KLF12: variants seen among roughly 807,000 people sequenced by gnomAD.
The protein encoded by KLF12 is Krueppel-like factor 12.
In KLF12, 9 loss-of-function variants were observed where a neutral mutation model predicts 37.8. The observed-to-expected ratio is 0.24, with a 90% confidence interval of 0.14 to 0.42. The LOEUF (loss-of-function observed/expected upper bound fraction) is 0.42, where lower values mean the gene tolerates loss of function less well. Among genes scored for constraint, KLF12 ranks in the 10% least tolerant of loss-of-function variants. The pLI, the probability that KLF12 is intolerant of heterozygous loss-of-function variation, is 1.00. For synonymous variants in KLF12, 208 were observed against 202.1 expected (o/e 1.03, Z -0.25); for missense variants, 411 against 516.0 (o/e 0.80, Z 1.97).
intron 1 of KLF12, among the ~76,000 whole-genome samples, chr13:74,124,874 G>A (rs1877846428): frequency 6.6e-6 from 1 of 151,970 alleles, no homozygotes; most frequent in Non-Finnish European, 1.5e-5. Flanking sequence ...ATATAAACTG[G>A]GCCGCGTATG....
chr13:74,241,092 T>A, the KLF12 span, among the ~76,000 whole-genome samples: 1 of 151,950 alleles, frequency 6.6e-6, no homozygotes, highest in Non-Finnish European at 1.5e-5. Flanking sequence ...CTTTTGGTCT[T>A]TGATGATGGT....
intron 2 of KLF12, among the ~76,000 whole-genome samples, chr13:73,953,045 A>C (rs1890699996): frequency 6.6e-6 from 1 of 152,194 alleles, no homozygotes; most frequent in Non-Finnish European, 1.5e-5. Flanking sequence ...AAGAATGACA[A>C]AGATTTTTCT....
the KLF12 span, among the ~76,000 whole-genome samples, chr13:74,217,693 C>T: frequency 1.3e-5 from 2 of 152,216 alleles, no homozygotes; most frequent in African/African-American, 2.4e-5. Context: ...CGCCACCGCA[C>T]TCCAGCCTGG....
At chr13:74,229,847 C>T in the KLF12 span, among the ~76,000 whole-genome samples, 1 of 152,130 alleles carries the variant, frequency 6.6e-6, no homozygotes, top group African/African-American at 2.4e-5. Context: ...CCCAGTGTTA[C>T]CAATGTTGTG....
At chr13:73,965,072 A>C (rs1020015170) in intron 2 of KLF12, among the ~76,000 whole-genome samples, 3 of 152,156 alleles carry the variant, frequency 2.0e-5, no homozygotes, top group African/African-American at 7.2e-5. Context: ...TGCACATCTC[A>C]GGTACACTTG....
the KLF12 span, among the ~76,000 whole-genome samples, chr13:74,147,048 A>G: frequency 2.0e-5 from 3 of 152,228 alleles, no homozygotes; most frequent in Non-Finnish European, 4.4e-5. Flanking sequence ...GGATCCCAGC[A>G]CATTGTTCTT....
the KLF12 span, among the ~76,000 whole-genome samples, chr13:74,303,632 T>C: frequency 6.6e-6 from 1 of 152,188 alleles, no homozygotes; most frequent in Admixed American, 6.5e-5. Flanking sequence ...GAATGACTTT[T>C]ACTGAACACC....
chr13:74,168,174 C>T, the KLF12 span, among the ~76,000 whole-genome samples: 1 of 152,210 alleles, frequency 6.6e-6, no homozygotes, highest in Non-Finnish European at 1.5e-5. Context: ...GGCTTTGAAA[C>T]GGTGGCTGTT....
chr13:73,814,221 T>C (rs1319790714), intron 4 of KLF12, among the ~76,000 whole-genome samples: 3 of 152,184 alleles, frequency 2.0e-5, no homozygotes, highest in African/African-American at 4.8e-5. Flanking sequence ...TTAAATTGTA[T>C]GGCTGCCTAA....
At chr13:73,940,357 G>T (rs1161473717) in intron 3 of KLF12, among the ~76,000 whole-genome samples, 1 of 152,106 alleles carries the variant, frequency 6.6e-6, no homozygotes, top group Non-Finnish European at 1.5e-5. Context: ...GAAAACCGAA[G>T]TCACATTTCA....
At chr13:73,792,362 A>G (rs1172104561) in intron 5 of KLF12, among the ~76,000 whole-genome samples, 1 of 152,222 alleles carries the variant, frequency 6.6e-6, no homozygotes, top group Non-Finnish European at 1.5e-5. Context: ...AAAAAGTTTG[A>G]TAAATCCTAA....
chr13:74,109,053 T>C (rs1398638664), intron 1 of KLF12, among the ~76,000 whole-genome samples: 1 of 151,916 alleles, frequency 6.6e-6, no homozygotes, highest in Non-Finnish European at 1.5e-5. Context: ...AATTAATGTG[T>C]AAAATCCAAT....
chr13:73,864,074 T>C (rs986413110), intron 3 of KLF12, among the ~76,000 whole-genome samples: 1 of 152,168 alleles, frequency 6.6e-6, no homozygotes, highest in African/African-American at 2.4e-5. Flanking sequence ...ATATACTACA[T>C]GTCATAACAT....
chr13:73,920,569 A>G (rs1424499242), intron 3 of KLF12, among the ~76,000 whole-genome samples: 1 of 152,156 alleles, frequency 6.6e-6, no homozygotes, highest in Non-Finnish European at 1.5e-5. Context: ...TGTCCACAGA[A>G]TTCTCTATCC....
At chr13:73,949,180 A>G (rs1182741663) in intron 2 of KLF12, among the ~76,000 whole-genome samples, 1 of 151,972 alleles carries the variant, frequency 6.6e-6, no homozygotes, top group East Asian at 1.9e-4. Flanking sequence ...TAATCACCAT[A>G]CTCTATGTAC....
At chr13:73,758,596 A>G (rs983029493) in intron 6 of KLF12, among the ~76,000 whole-genome samples, 3 of 152,136 alleles carry the variant, frequency 2.0e-5, no homozygotes, top group African/African-American at 7.2e-5. Flanking sequence ...TTTCCAGTAC[A>G]ATATTAATAT....
chr13:73,999,381 T>C (rs958184510), intron 1 of KLF12, among the ~76,000 whole-genome samples: 10 of 152,212 alleles, frequency 6.6e-5, no homozygotes, highest in Non-Finnish European at 1.2e-4. Context: ...TAAGATTTCC[T>C]GGACATATTT....
chr13:74,218,884 CT>C, the KLF12 span, among the ~76,000 whole-genome samples: 12 of 151,992 alleles, frequency 7.9e-5, no homozygotes, highest in Non-Finnish European at 1.3e-4. Flanking sequence ...AAAATATCCC[CT>C]TATACCACAC....
intron 3 of KLF12, among the ~76,000 whole-genome samples, chr13:73,889,555 A>C (rs1187406839): frequency 1.3e-5 from 2 of 152,192 alleles, no homozygotes; most frequent in Non-Finnish European, 2.9e-5. Flanking sequence ...TCAATTACCA[A>C]GTACTGTGAC....
Sources: gnomAD v4.1 joint callset for allele counts (sites outside exome capture counted in the v4.1 genomes callset) on GRCh38, gnomAD v4.1.1 for gene constraint, MANE v1.5 for transcripts, NCBI Gene and HGNC (gene_info 2026-07-23, HGNC 2026-07-21) for gene names.